The following TMPRSS15 variants were observed in gnomAD, a reference collection of about 807,000 sequenced individuals.
TMPRSS15 encodes enteropeptidase.
In TMPRSS15, 128 loss-of-function variants were observed where a neutral mutation model predicts 125.3. That is an observed-to-expected ratio of 1.02 (90% confidence interval 0.89 to 1.18). TMPRSS15 has a LOEUF of 1.18. TMPRSS15 is among the 50% of genes most tolerant of loss of function. The pLI, the probability that TMPRSS15 is intolerant of heterozygous loss-of-function variation, is 0.00. For synonymous variants in TMPRSS15, 446 were observed against 423.2 expected (o/e 1.05, Z -0.66); for missense variants, 1,283 against 1,212.7 (o/e 1.06, Z -0.86).
chr21:18,401,926 A>G (rs889971442), intron 1 of TMPRSS15, among the ~76,000 whole-genome samples: 1 of 152,164 alleles, frequency 6.6e-6, no homozygotes, highest in Admixed American at 6.6e-5. Flanking sequence ...ATTCCAATGG[A>G]CTTTCAAATG....
At chr21:18,407,435 CTTT>C (rs1181848689), upstream of TMPRSS15, among the ~76,000 whole-genome samples, 1 of 130,282 alleles carries the variant, frequency 7.7e-6, no homozygotes, top group African/African-American at 2.9e-5. Context: ...CTTTCTTTTT[CTTT>C]TTTTCTTTTC....
At chr21:18,382,983 T>G (rs1328859410) in intron 4 of TMPRSS15, among the ~76,000 whole-genome samples, 1 of 152,174 alleles carries the variant, frequency 6.6e-6, no homozygotes, top group Non-Finnish European at 1.5e-5. Flanking sequence ...ATACTTAATT[T>G]TTATAAATAG....
intron 1 of TMPRSS15, among the ~76,000 whole-genome samples, chr21:18,398,752 G>C (rs1011101807): frequency 6.6e-6 from 1 of 152,092 alleles, no homozygotes; most frequent in Non-Finnish European, 1.5e-5. Flanking sequence ...TGAACACCTA[G>C]CATCCAGGGA....
At chr21:18,314,084 C>G (rs1339661217) in intron 17 of TMPRSS15, among the ~76,000 whole-genome samples, 1 of 151,456 alleles carries the variant, frequency 6.6e-6, no homozygotes, top group Non-Finnish European at 1.5e-5. Flanking sequence ...CCTACAAACA[C>G]TATGTTGTAA....
At chr21:18,424,363 C>A (rs73895605) in intron 1 of TMPRSS15, among the ~76,000 whole-genome samples, 3,782 of 152,288 alleles carry the variant, frequency 0.025, 167 homozygotes, top group African/African-American at 0.084. Context: ...TCAGCCCAGC[C>A]AAACGTTGTG....
intron 24 of TMPRSS15, 70 bp from the exon 25 acceptor site, chr21:18,270,194 T>C: frequency 7.6e-7 from 1 of 1,307,438 alleles, no homozygotes; most frequent in Non-Finnish European, 1.1e-6. Context: ...AAATTATTTG[T>C]ATCAAATAAA....
At chr21:18,316,672 G>T (rs1046028611) in intron 16 of TMPRSS15, among the ~76,000 whole-genome samples, 3 of 152,136 alleles carry the variant, frequency 2.0e-5, no homozygotes, top group Admixed American at 6.5e-5. Flanking sequence ...GAGGCCGTTG[G>T]TGGTGGTTTC....
intron 18 of TMPRSS15, among the ~76,000 whole-genome samples, chr21:18,302,879 T>C (rs949645028): frequency 6.6e-6 from 1 of 152,184 alleles, no homozygotes; most frequent in African/African-American, 2.4e-5. Context: ...TAACATTATT[T>C]CCTTAGCTGC....
At chr21:18,313,386 A>C (rs151065817) in intron 17 of TMPRSS15, among the ~76,000 whole-genome samples, 1 of 151,440 alleles carries the variant, frequency 6.6e-6, no homozygotes, top group Non-Finnish European at 1.5e-5. Flanking sequence ...ATGTATATAC[A>C]CATTCTCTGT....
chr21:18,353,884 C>A (rs1157337202), intron 8 of TMPRSS15, 21 bp from the exon 9 acceptor site: 5 of 1,600,068 alleles, frequency 3.1e-6, no homozygotes, highest in Non-Finnish European at 4.3e-6. Flanking sequence ...AAATAAACAA[C>A]TGTTATATGT....
intron 14 of TMPRSS15, 25 bp from the exon 15 acceptor site, chr21:18,329,319 A>C: frequency 6.2e-7 from 1 of 1,601,708 alleles, no homozygotes; most frequent in Non-Finnish European, 8.5e-7. Context: ...GTAACATTTA[A>C]TTTGGAACAC....
chr21:18,276,066 C>T (rs1358670197), intron 23 of TMPRSS15, among the ~76,000 whole-genome samples: 1 of 152,144 alleles, frequency 6.6e-6, no homozygotes, highest in South Asian at 2.1e-4. Context: ...TTTTGTTCCT[C>T]AAGAGAGGCA....
intron 24 of TMPRSS15, among the ~76,000 whole-genome samples, chr21:18,274,125 T>C (rs909835101): frequency 2.0e-5 from 3 of 152,232 alleles, no homozygotes; most frequent in Non-Finnish European, 4.4e-5. Flanking sequence ...AGCATTGATA[T>C]GTTATTAATT....
At chr21:18,300,060 A>G (rs1031830883) in intron 18 of TMPRSS15, among the ~76,000 whole-genome samples, 4 of 152,186 alleles carry the variant, frequency 2.6e-5, no homozygotes, top group African/African-American at 9.7e-5. Context: ...TGAAAGGTGT[A>G]TCATTAAAAA....
intron 17 of TMPRSS15, among the ~76,000 whole-genome samples, chr21:18,313,689 T>C (rs2075126780): frequency 6.6e-6 from 1 of 151,860 alleles, no homozygotes; most frequent in Non-Finnish European, 1.5e-5. Flanking sequence ...ATTTGAAAAA[T>C]ATAAATTTAG....
chr21:18,319,743 A>G (rs1235083444), intron 16 of TMPRSS15, among the ~76,000 whole-genome samples: 2 of 152,224 alleles, frequency 1.3e-5, no homozygotes, highest in East Asian at 3.9e-4. Flanking sequence ...ACTATTTTTC[A>G]AGTTAACATT....
At chr21:18,476,533 C>T (rs1221666820) in intron 1 of TMPRSS15, among the ~76,000 whole-genome samples, 1 of 152,064 alleles carries the variant, frequency 6.6e-6, no homozygotes, top group East Asian at 1.9e-4. Flanking sequence ...TTGAAACAAA[C>T]TATTTTATGC....
At chr21:18,451,412 T>TA (rs1293367155) in intron 1 of TMPRSS15, among the ~76,000 whole-genome samples, 5 of 152,120 alleles carry the variant, frequency 3.3e-5, no homozygotes, top group African/African-American at 1.2e-4. Context: ...TAATCAAATA[T>TA]AAAAACCAGT....
chr21:18,359,070 C>T (rs1038465359), intron 8 of TMPRSS15, among the ~76,000 whole-genome samples: 3 of 152,048 alleles, frequency 2.0e-5, no homozygotes, highest in Non-Finnish European at 4.4e-5. Context: ...TCTACCTCAT[C>T]CTCACTTTAT....
Sources: gnomAD v4.1 joint callset for allele counts (sites outside exome capture counted in the v4.1 genomes callset) on GRCh38, gnomAD v4.1.1 for gene constraint, MANE v1.5 for transcripts, NCBI Gene and HGNC (gene_info 2026-07-23, HGNC 2026-07-21) for gene names.